Variants in CLN3 observed in about 807,000 individuals in gnomAD.
CLN3 encodes the protein CLN3 lysosomal/endosomal transmembrane protein, battenin, also known as battenin.
CLN3 carries 49 observed loss-of-function variants against 60.7 expected under a neutral mutation model. The ratio of observed to expected loss-of-function variants is 0.81; its 90% CI spans 0.64 to 1.02. The LOEUF is 1.02. Ranked by LOEUF, CLN3 falls within the 50% of genes least tolerant of loss-of-function variation. CLN3 has a pLI of 0.00. For synonymous variants in CLN3, 256 were observed against 245.8 expected, an observed-to-expected ratio of 1.04 and a Z score of -0.39; for missense variants, 516 against 557.4, an observed-to-expected ratio of 0.93 and a Z score of 0.75.
chr16:28,479,003 T>C (rs1323408705), intron 14 of CLN3, among the ~76,000 whole-genome samples: 2 of 152,114 alleles, frequency 1.3e-5, no homozygotes, highest in Admixed American at 6.6e-5. Flanking sequence ...CCCAAAGTGC[T>C]GGGATTATAG....
At chr16:28,486,705 G>C (rs561883632) in intron 7 of CLN3, 55 bp from the exon 8 acceptor site, 1 of 1,518,224 alleles carries the variant, frequency 6.6e-7, no homozygotes, top group African/African-American at 1.4e-5. Context: ...ACACTGCCCA[G>C]GCCTCTAATG....
At chr16:28,489,470 C>T (rs2046277826) in intron 3 of CLN3, 84 bp from the exon 4 acceptor site, 5 of 926,718 alleles carry the variant, frequency 5.4e-6, no homozygotes, top group Admixed American at 2.0e-5. Flanking sequence ...CTTACCTGTG[C>T]CCTTCAATCA....
rs2046313775 is a variant in CLN3 at position 28,491,523 on chromosome 16, CA to C, written c.83del (p.Leu28TrpfsTer27). The C allele has an allele frequency of 1.9e-6, 3 of 1,614,056 alleles. No homozygotes were observed. In the Middle Eastern group the frequency reaches 5.0e-4, roughly 272 times the overall value. On this transcript the variant is annotated frameshift_variant, in exon 3 of 16. Coordinates refer to ENST00000636147, the MANE Select transcript of CLN3 (RefSeq NM_001042432.2). LOFTEE classifies it high-confidence loss of function. ...ETVPEPRLPL[L>X]DHQGAHWKNA... ...TCTTCCAATGCGCGCCCTGATGGTC[CA>C]ACAGAGGGAGCCGGGGCTCCGGGAC... is the stretch of plus-strand genomic sequence containing the variant.
Position 28,486,477 on chromosome 16 carries a change from AG to A in CLN3, c.546del (p.Trp183GlyfsTer72). 1.2e-6 allele frequency: 2 copies of A among 1,613,090 alleles called. No homozygotes were observed. Among genetic ancestry groups the A allele is most frequent in the Admixed American group, 1.7e-5 (1 of 59,832 alleles). ...LTAFYPRAVI[S>X]WWSSGTGGAG... ...GCTCCCCCAGTCCCTGAGGACCACCAGGAGATCACGGCCCTGGGAAGGAGAA... is the reference window on the plus strand; with the variant it reads ...GCTCCCCCAGTCCCTGAGGACCACCAGAGATCACGGCCCTGGGAAGGAGAA... On this transcript the variant is annotated frameshift_variant, in exon 9 of 16. Transcript: ENST00000636147. LOFTEE classifies it high-confidence loss of function.
intron 5 of CLN3, 65 bp from the exon 6 acceptor site, chr16:28,487,806 CAAG>C: frequency 7.4e-7 from 1 of 1,352,102 alleles, no homozygotes; most frequent in Non-Finnish European, 1.0e-6. Context: ...ACCACGTGGC[CAAG>C]GAGAGGCAGG....
chr16:28,488,487 G>A (rs751306004), intron 5 of CLN3, 104 bp downstream of exon 5: 35 of 1,058,320 alleles, frequency 3.3e-5, no homozygotes, highest in Middle Eastern at 2.1e-4. Context: ...GGTCTCAACT[G>A]TTTTAATCAT....
intron 14 of CLN3, among the ~76,000 whole-genome samples, chr16:28,478,352 A>C (rs1003699428): frequency 6.6e-6 from 1 of 151,246 alleles, no homozygotes; most frequent in Non-Finnish European, 1.5e-5. Context: ...GCAGTGGCTC[A>C]TGCAGGTAAT....
At chr16:28,486,698 C>T (rs1233427510) in intron 7 of CLN3, 48 bp from the exon 8 acceptor site, 1 of 1,539,012 alleles carries the variant, frequency 6.5e-7, no homozygotes, top group Non-Finnish European at 8.8e-7. Flanking sequence ...CCTTGCCACA[C>T]TGCCCAGGCC....
intron 14 of CLN3, among the ~76,000 whole-genome samples, chr16:28,481,460 A>ACGCACG (rs1555468034): frequency 6.7e-6 from 1 of 148,776 alleles, no homozygotes; most frequent in Non-Finnish European, 1.5e-5. Flanking sequence ...ACACGCACAC[A>ACGCACG]CACACACACA....
chr16:28,472,431 T>G (rs1426847658), downstream of CLN3, among the ~76,000 whole-genome samples: 1 of 152,024 alleles, frequency 6.6e-6, no homozygotes, highest in African/African-American at 2.4e-5. Context: ...GCAGTTAGGG[T>G]CTACTATGTT....
downstream of CLN3, among the ~76,000 whole-genome samples, chr16:28,474,854 G>A (rs536160714): frequency 3.3e-5 from 5 of 152,250 alleles, no homozygotes; most frequent in East Asian, 7.7e-4. Context: ...AATAATCCCA[G>A]ACCTTTGGGA....
chr16:28,479,684 G>C (rs747070956), intron 14 of CLN3: 2 of 181,440 alleles, frequency 1.1e-5, no homozygotes, highest in African/African-American at 4.8e-5. Context: ...CTTGAGAATC[G>C]CTTGAATCTG....
chr16:28,487,672 G>A lies in CLN3; in HGVS notation c.364C>T (p.Leu122=). 6.2e-7 allele frequency: 1 copy of A among 1,613,334 alleles called. No individual in the cohort carries two copies. The highest frequency in any genetic ancestry group is 8.5e-7 in the Non-Finnish European group (1 of 1,179,378). ...KLLAPLGLHL[L]PYSPRVLVSG... is the part of the protein sequence containing the mutation. ...TACCCTCACCCAGACCTGTAGGGCA[G>A]CAGGTGAAGGCCAAGAGGAGCCAAC... is the stretch of plus-strand genomic sequence containing the variant. Residue 122 remains leucine (L), a synonymous_variant, in exon 6 of 16, where the codon CTG becomes TTG. Coordinates refer to ENST00000636147, the MANE Select transcript of CLN3 (RefSeq NM_001042432.2).
In CLN3 at chr16:28,477,359, C is replaced by G. The variant is rs972575936; in HGVS notation, c.*157G>C. The G allele has an allele frequency of 2.1e-5, 20 of 950,154 alleles. No individual in the cohort carries two copies. In the Admixed American group the frequency reaches 2.5e-4, roughly 12 times the overall value. 58.9% of individuals were successfully genotyped at this position (950,154 alleles called of 1,614,324 possible). On this transcript the variant is annotated 3_prime_UTR_variant, in exon 16 of 16. Coordinates refer to ENST00000636147, the MANE Select transcript of CLN3 (RefSeq NM_001042432.2). ...CAAGTGGGAGACAATGGCTGGCCCC[C>G]CTGCAAGGGAAACAAGGCTTCAGCC...
rs1020059053 is a variant in CLN3, at chr16:28,477,519, G to C, written c.1314C>G (p.Ser438=). Residue 438 remains serine, a synonymous_variant, in exon 16 of 16, where the codon TCC becomes TCG. Coordinates refer to ENST00000636147, the MANE Select transcript of CLN3 (RefSeq NM_001042432.2). Reference sequence around the variant, plus strand: ...TGCGTCCTGAGGATCCCGAGTATCAGGAGAGCTGGCAGAGGAAGTCATGCA... The same window carrying C: ...TGCGTCCTGAGGATCCCGAGTATCACGAGAGCTGGCAGAGGAAGTCATGCA... ...LPLHDFLCQL[S] 1.2e-6 allele frequency: 2 copies of C among 1,613,290 alleles called. No individual in the cohort carries two copies. Among genetic ancestry groups the C allele is most frequent in the South Asian group, 2.2e-5 (2 of 91,048 alleles).
At chr16:28,491,986 G>T (rs574173550) in intron 1 of CLN3, 34 bp downstream of exon 1, 2 of 625,356 alleles carry the variant, frequency 3.2e-6, no homozygotes, top group Admixed American at 2.6e-5. Context: ...ACTCTCCCCC[G>T]CCCCGTCTAC....
intron 5 of CLN3, 128 bp from the exon 6 acceptor site, chr16:28,487,869 C>T: frequency 2.7e-6 from 2 of 744,850 alleles, no homozygotes; most frequent in Admixed American, 2.0e-5. Context: ...GTCAGGCACG[C>T]CTGGGTTCAA....
At position 28,477,638 on chromosome 16, in the gene CLN3, G is replaced by T; in HGVS notation, c.1198-3C>A. The T allele has an allele frequency of 6.2e-7, 1 of 1,614,008 alleles. No individual in the cohort carries two copies. Among genetic ancestry groups the T allele is most frequent in the Non-Finnish European group, 8.5e-7 (1 of 1,180,042 alleles). On this transcript the variant is annotated splice_polypyrimidine_tract_variant and splice_region_variant and intron_variant, in intron 15 of 15. Coordinates refer to ENST00000636147, the MANE Select transcript of CLN3 (RefSeq NM_001042432.2). ...AACTCCCGGTGCTCATCACTGGTCT[G>T]GGAGGGCAGAGAGCAGGGGTGAGGC...
intron 9 of CLN3, chr16:28,484,423 A>C: frequency 2.7e-6 from 1 of 365,314 alleles, no homozygotes. Context: ...ATCATAGCTC[A>C]CTGCAGCCGC....
Sources: gnomAD v4.1 joint callset for allele counts (sites outside exome capture counted in the v4.1 genomes callset) on GRCh38, gnomAD v4.1.1 for gene constraint, MANE v1.5 for transcripts, NCBI Gene and HGNC (gene_info 2026-07-23, HGNC 2026-07-21) for gene names.